Variants in CFAP299 observed in about 807,000 individuals in gnomAD.
CFAP299 encodes the protein cilia- and flagella-associated protein 299.
Under a neutral mutation model 27.0 loss-of-function variants are expected in CFAP299, and 21 were observed. The observed-to-expected ratio is 0.78, with a 90% CI of 0.55 to 1.12. The LOEUF (loss-of-function observed/expected upper bound fraction) is 1.12. Ranked by LOEUF, CFAP299 falls within the 50% of genes most tolerant of loss-of-function variation. CFAP299 has a pLI of 0.00. For missense variants in CFAP299, 310 were observed against 276.6 expected (o/e 1.12, Z -0.86); for synonymous variants, 104 against 98.1 (o/e 1.06, Z -0.36).
intron 5 of CFAP299, 62 bp downstream of exon 5, chr4:80,945,001 T>C: frequency 6.8e-7 from 1 of 1,481,446 alleles, no homozygotes; most frequent in Non-Finnish European, 9.3e-7. Flanking sequence ...TCTGCCACTA[T>C]TCAAAAAATC....
intron 3 of CFAP299, 91 bp downstream of exon 3, chr4:80,583,274 A>T: frequency 1.6e-6 from 1 of 615,990 alleles, no homozygotes; most frequent in Non-Finnish European, 2.6e-6. Flanking sequence ...TTCTTAAAGT[A>T]ATTTACAAGA....
chr4:80,804,756 T>C (rs957748642), intron 3 of CFAP299, among the ~76,000 whole-genome samples: 3 of 152,154 alleles, frequency 2.0e-5, no homozygotes, highest in Non-Finnish European at 2.9e-5. Context: ...TTTAATCTAT[T>C]TGTGTCTTCG....
intron 2 of CFAP299, among the ~76,000 whole-genome samples, chr4:80,486,138 G>A (rs901838687): frequency 6.6e-6 from 1 of 151,946 alleles, no homozygotes; most frequent in Non-Finnish European, 1.5e-5. Flanking sequence ...AGTTCTGCTT[G>A]CTTGGTCTTA....
intron 3 of CFAP299, among the ~76,000 whole-genome samples, chr4:80,780,213 A>G (rs1306171869): frequency 6.6e-6 from 1 of 151,956 alleles, no homozygotes; most frequent in East Asian, 1.9e-4. Flanking sequence ...TCACTCCATC[A>G]ACACCTCTTA....
chr4:80,937,308 C>CTTTGTTTTTTTTTTTTT (rs1736948672), intron 4 of CFAP299, among the ~76,000 whole-genome samples: 1 of 90,820 alleles, frequency 1.1e-5, no homozygotes, highest in Non-Finnish European at 2.1e-5. Flanking sequence ...CTTTTTTTTT[C>CTTTGTTTTTTTTTTTTT]TTTCTTTTTT....
chr4:80,887,045 G>T (rs1015829169), intron 4 of CFAP299, among the ~76,000 whole-genome samples: 7 of 150,860 alleles, frequency 4.6e-5, no homozygotes, highest in Non-Finnish European at 8.9e-5. Context: ...GGAGACAAAA[G>T]AAAAAAAATA....
intron 3 of CFAP299, among the ~76,000 whole-genome samples, chr4:80,632,769 T>A (rs1156867200): frequency 6.6e-6 from 1 of 152,056 alleles, no homozygotes; most frequent in African/African-American, 2.4e-5. Context: ...AGAGAAAATG[T>A]ATTGTCAAAG....
intron 1 of CFAP299, among the ~76,000 whole-genome samples, chr4:80,349,298 A>G (rs1177346428): frequency 6.6e-6 from 1 of 152,226 alleles, no homozygotes; most frequent in Admixed American, 6.5e-5. Flanking sequence ...CTGACATGTA[A>G]CTATCCAAGT....
chr4:80,675,632 C>G (rs1194993164), intron 3 of CFAP299, among the ~76,000 whole-genome samples: 92 of 152,214 alleles, frequency 6.0e-4, no homozygotes, highest in Non-Finnish European at 5.9e-5. Context: ...TCAGCTATGC[C>G]CTGCCCCCAG....
chr4:80,472,145 G>T (rs1203436909), intron 2 of CFAP299, among the ~76,000 whole-genome samples: 1 of 152,262 alleles, frequency 6.6e-6, no homozygotes, highest in Non-Finnish European at 1.5e-5. Flanking sequence ...AGAGGGAGTT[G>T]TTTTCATGTA....
intron 5 of CFAP299, 143 bp downstream of exon 5, chr4:80,945,082 A>T: frequency 1.3e-6 from 1 of 745,474 alleles, no homozygotes; most frequent in Non-Finnish European, 2.2e-6. Flanking sequence ...TAGAGCATGT[A>T]CTACCTTTTA....
chr4:80,756,910 G>T (rs1725267846), intron 3 of CFAP299, among the ~76,000 whole-genome samples: 1 of 152,144 alleles, frequency 6.6e-6, no homozygotes, highest in Non-Finnish European at 1.5e-5. Context: ...CATTGTCATA[G>T]AATTAATGGC....
chr4:80,936,474 A>G (rs184224340), intron 4 of CFAP299, among the ~76,000 whole-genome samples: 1 of 152,272 alleles, frequency 6.6e-6, no homozygotes, highest in Admixed American at 6.6e-5. Flanking sequence ...AGAGAACAAG[A>G]TTATGTCTTT....
At chr4:80,729,952 A>G (rs1723409988) in intron 3 of CFAP299, among the ~76,000 whole-genome samples, 1 of 152,096 alleles carries the variant, frequency 6.6e-6, no homozygotes, top group Admixed American at 6.6e-5. Flanking sequence ...TTCCAAAACT[A>G]TACCCCACCT....
intron 2 of CFAP299, among the ~76,000 whole-genome samples, chr4:80,504,933 A>T (rs1369090395): frequency 6.7e-6 from 1 of 148,364 alleles, no homozygotes; most frequent in Admixed American, 6.8e-5. Flanking sequence ...AAATGATATA[A>T]ATTGTAAAAC....
intron 3 of CFAP299, among the ~76,000 whole-genome samples, chr4:80,850,447 T>C (rs554166279): frequency 9.1e-4 from 138 of 152,164 alleles, no homozygotes; most frequent in African/African-American, 3.2e-3. Flanking sequence ...GGTAATACTT[T>C]ATTTCTTGGA....
intron 3 of CFAP299, among the ~76,000 whole-genome samples, chr4:80,588,188 C>T (rs1179934359): frequency 6.6e-6 from 1 of 151,012 alleles, no homozygotes; most frequent in Non-Finnish European, 1.5e-5. Flanking sequence ...CATCAGCTGT[C>T]ACAGAGGTGG....
intron 3 of CFAP299, among the ~76,000 whole-genome samples, chr4:80,844,542 T>TA (rs1351967817): frequency 6.6e-6 from 1 of 152,250 alleles, no homozygotes; most frequent in Non-Finnish European, 1.5e-5. Flanking sequence ...TTTGGCTGCA[T>TA]AAATGTCTTC....
chr4:80,641,906 A>G (rs1489184112), intron 3 of CFAP299, among the ~76,000 whole-genome samples: 2 of 152,244 alleles, frequency 1.3e-5, no homozygotes, highest in Non-Finnish European at 2.9e-5. Flanking sequence ...TACTTAATGA[A>G]TGGGTCATTC....
Sources: allele counts gnomAD v4.1 joint callset (sites outside exome capture counted in the v4.1 genomes callset), GRCh38; gene constraint gnomAD v4.1.1; transcripts MANE v1.5; gene names NCBI Gene and HGNC (gene_info 2026-07-23, HGNC 2026-07-21).